The following GRM3 variants were observed in gnomAD, a reference collection of about 807,000 sequenced individuals.
GRM3 encodes metabotropic glutamate receptor 3.
In GRM3, 26 loss-of-function variants were observed where a neutral mutation model predicts 70.5. That is an observed-to-expected ratio of 0.37 (90% CI 0.27 to 0.51). GRM3 has a LOEUF of 0.51. Ranked by LOEUF, GRM3 falls within the 20% of genes least tolerant of loss-of-function variation. The pLI is 0.93. For synonymous variants in GRM3, 443 were observed against 434.9 expected (o/e 1.02, Z -0.23); for missense variants, 859 against 1,123.8 (o/e 0.76, Z 3.37).
chr7:86,710,463 T>TA (rs552503164), intron 1 of GRM3, among the ~76,000 whole-genome samples: 7,297 of 142,248 alleles, frequency 0.051, 532 homozygotes, highest in African/African-American at 0.17. Flanking sequence ...CAGGAAAAGT[T>TA]AAAAAAAAAA....
chr7:86,752,758 G>A (rs1057248019), intron 1 of GRM3, among the ~76,000 whole-genome samples: 1 of 152,006 alleles, frequency 6.6e-6, no homozygotes, highest in East Asian at 1.9e-4. Flanking sequence ...GAAACAACTT[G>A]GACACCAGAA....
intron 1 of GRM3, among the ~76,000 whole-genome samples, chr7:86,659,276 A>T (rs993396317): frequency 2.0e-5 from 3 of 152,222 alleles, no homozygotes; most frequent in Non-Finnish European, 4.4e-5. Context: ...TTTTAGAAGA[A>T]TGAGAAGATA....
intron 3 of GRM3, among the ~76,000 whole-genome samples, chr7:86,801,778 G>C (rs546136506): frequency 2.0e-5 from 3 of 152,194 alleles, no homozygotes; most frequent in African/African-American, 4.8e-5. Context: ...GTCAGAAAAG[G>C]CTTCCTAAAA....
At chr7:86,806,779 G>C (rs1215160985) in intron 3 of GRM3, among the ~76,000 whole-genome samples, 1 of 151,944 alleles carries the variant, frequency 6.6e-6, no homozygotes, top group Admixed American at 6.6e-5. Context: ...TTTGGCTTTT[G>C]TTGCCATTGC....
At chr7:86,796,017 G>T (rs1797540950) in intron 3 of GRM3, among the ~76,000 whole-genome samples, 1 of 152,186 alleles carries the variant, frequency 6.6e-6, no homozygotes, top group Non-Finnish European at 1.5e-5. Flanking sequence ...CCGTAGGTTG[G>T]TTGTTCAGTT....
intron 1 of GRM3, among the ~76,000 whole-genome samples, chr7:86,691,484 G>T (rs1584168858): frequency 6.6e-6 from 1 of 152,094 alleles, no homozygotes; most frequent in East Asian, 1.9e-4. Context: ...CTAGTTCAAA[G>T]GATAATTAAA....
chr7:86,810,185 T>C (rs1364769250), intron 3 of GRM3, among the ~76,000 whole-genome samples: 1 of 151,950 alleles, frequency 6.6e-6, no homozygotes, highest in African/African-American at 2.4e-5. Flanking sequence ...ATAAATTCTA[T>C]CCCAGGATGG....
At chr7:86,666,826 C>T (rs1019225098) in intron 1 of GRM3, among the ~76,000 whole-genome samples, 11 of 152,072 alleles carry the variant, frequency 7.2e-5, no homozygotes, top group Non-Finnish European at 5.9e-5. Context: ...TACCTGTTCT[C>T]ATGACTTCTG....
chr7:86,767,325 G>A lies in GRM3; in HGVS notation c.468+1712G>A, dbSNP rs184298085. Among the ~76,000 whole-genome samples the A allele has an allele frequency of 4.3e-3, 652 of 151,486 alleles. 7 individuals carry two copies. The highest frequency in any genetic ancestry group is 0.015 in the African/African-American group (618 of 41,352). The stretch of plus-strand genomic sequence containing the variant: ...TATTTGAAATTTATTTCCTTCTTCA[G>A]ATTACACCATCATGTTATGAGTAAT... On this transcript the variant is annotated intron_variant, in intron 2 of 5. Transcript: ENST00000361669.
chr7:86,745,983 G>T (rs903273346), intron 1 of GRM3, among the ~76,000 whole-genome samples: 2 of 151,970 alleles, frequency 1.3e-5, no homozygotes, highest in African/African-American at 4.8e-5. Flanking sequence ...AAACTAAACA[G>T]ATGTGTCTAA....
chr7:86,738,467 T>C (rs556282922), intron 1 of GRM3, among the ~76,000 whole-genome samples: 1 of 152,316 alleles, frequency 6.6e-6, no homozygotes, highest in South Asian at 2.1e-4. Flanking sequence ...AAGTCAAATA[T>C]AAAGCCATAT....
chr7:86,657,492 G>A (rs1042287536), intron 1 of GRM3, among the ~76,000 whole-genome samples: 7 of 152,196 alleles, frequency 4.6e-5, no homozygotes, highest in Non-Finnish European at 7.3e-5. Flanking sequence ...GCTAGAATGT[G>A]GGATTGAATT....
At chr7:86,669,525 T>C (rs1445139615) in intron 1 of GRM3, among the ~76,000 whole-genome samples, 1 of 152,196 alleles carries the variant, frequency 6.6e-6, no homozygotes, top group East Asian at 1.9e-4. Flanking sequence ...TTTTCCTATA[T>C]CTCACAAGTA....
intron 1 of GRM3, among the ~76,000 whole-genome samples, chr7:86,708,665 T>G (rs1249827583): frequency 6.6e-6 from 1 of 152,088 alleles, no homozygotes; most frequent in Non-Finnish European, 1.5e-5. Flanking sequence ...TGCAAGAGCT[T>G]ACTGAGTCCA....
intron 1 of GRM3, among the ~76,000 whole-genome samples, chr7:86,756,134 A>G (rs1584217992): frequency 6.6e-6 from 1 of 152,146 alleles, no homozygotes; most frequent in East Asian, 1.9e-4. Context: ...ACTGGAGTGC[A>G]ATGGCGTGAT....
rs2116738463 is a variant in GRM3, at chr7:86,839,669, C to G, written c.2155C>G (p.Leu719Val). Residue 719 changes from leucine to valine, a missense_variant, in exon 4 of 6, where the codon CTT becomes GTT. Physicochemically the swap from Leu to Val is conservative, Grantham distance 32. Transcript: ENST00000361669. The surrounding 1 kb of genome is among the most constrained non-coding windows in gnomAD (Gnocchi z 4.5). Reference sequence around the variant, plus strand: ...GGCCCCAGGCACCAGGAGGTATACCCTTGCAGAGAAGCGGGAAACAGTCAT... The same window carrying G: ...GGCCCCAGGCACCAGGAGGTATACCGTTGCAGAGAAGCGGGAAACAGTCAT... ...LEAPGTRRYT[L>V]AEKRETVILK... 1 of 1,613,854 alleles carries G rather than the reference C, an allele frequency of 6.2e-7. No individual in the cohort carries two copies. The highest frequency in any genetic ancestry group is 8.5e-7 in the Non-Finnish European group (1 of 1,179,792).
At chr7:86,668,392 C>A (rs548572247) in intron 1 of GRM3, among the ~76,000 whole-genome samples, 1 of 152,018 alleles carries the variant, frequency 6.6e-6, no homozygotes, top group African/African-American at 2.4e-5. Flanking sequence ...GGAAATAATT[C>A]TTCTTTCATT....
At chr7:86,816,890 A>G (rs1303227361) in intron 3 of GRM3, among the ~76,000 whole-genome samples, 4 of 151,862 alleles carry the variant, frequency 2.6e-5, no homozygotes, top group African/African-American at 2.4e-5. Flanking sequence ...GGGAATTAGC[A>G]GTGTATTTAA....
intron 1 of GRM3, among the ~76,000 whole-genome samples, chr7:86,747,190 T>A (rs1381863047): frequency 1.3e-5 from 2 of 152,128 alleles, no homozygotes; most frequent in East Asian, 3.9e-4. Flanking sequence ...CGAAGTTAGC[T>A]GACACATCAG....
Sources: gnomAD v4.1 joint callset for allele counts (sites outside exome capture counted in the v4.1 genomes callset) on GRCh38, gnomAD v4.1.1 for gene constraint, Gnocchi (gnomAD v3.1) non-coding constraint, MANE v1.5 for transcripts, NCBI Gene and HGNC (gene_info 2026-07-23, HGNC 2026-07-21) for gene names.